The following DPP6 variants were observed in gnomAD, a reference collection of about 807,000 sequenced individuals.
The protein encoded by DPP6 is A-type potassium channel modulatory protein DPP6.
Under a neutral mutation model 122.6 loss-of-function variants are expected in DPP6, and 69 were observed. That is an observed-to-expected ratio of 0.56 (90% confidence interval 0.46 to 0.69). The LOEUF (loss-of-function observed/expected upper bound fraction) is 0.69. Among genes scored for constraint, DPP6 ranks in the 30% least tolerant of loss-of-function variants. The pLI is 0.00. For synonymous variants in DPP6, 418 were observed against 433.1 expected (o/e 0.97, Z 0.43); for missense variants, 928 against 1,116.9 (o/e 0.83, Z 2.41).
intron 1 of DPP6, among the ~76,000 whole-genome samples, chr7:154,288,011 G>T (rs888141769): frequency 5.3e-5 from 8 of 152,212 alleles, no homozygotes; most frequent in African/African-American, 1.9e-4. Flanking sequence ...CCACCCAGAG[G>T]AATGAGACAT....
chr7:154,021,250 G>A (rs948896425), intron 1 of DPP6, among the ~76,000 whole-genome samples: 4 of 152,146 alleles, frequency 2.6e-5, no homozygotes, highest in African/African-American at 4.8e-5. Flanking sequence ...ACAGCCGTGC[G>A]AGACTGATTG....
chr7:154,703,905 C>T (rs1484401835), intron 7 of DPP6, among the ~76,000 whole-genome samples: 3 of 151,768 alleles, frequency 2.0e-5, no homozygotes, highest in African/African-American at 4.8e-5. Context: ...CCACTGCGCT[C>T]CAGCCTGGGT....
chr7:153,870,820 G>A, the DPP6 span, among the ~76,000 whole-genome samples: 1 of 152,202 alleles, frequency 6.6e-6, no homozygotes, highest in Non-Finnish European at 1.5e-5. Context: ...ACGTACAGAT[G>A]GGTTTTTGGT....
intron 1 of DPP6, among the ~76,000 whole-genome samples, chr7:154,291,102 C>T (rs1805179910): frequency 6.6e-6 from 1 of 152,168 alleles, no homozygotes; most frequent in African/African-American, 2.4e-5. Context: ...CCTCCAAAAA[C>T]AATCCCATAA....
In DPP6 at chr7:154,282,860, A is replaced by C. The variant is rs1804614313; in HGVS notation, c.244-163354A>C. On this transcript the variant is annotated intron_variant, in intron 1 of 25. Coordinates refer to ENST00000377770, the MANE Select transcript of DPP6 (RefSeq NM_130797.4). The surrounding 1 kb of genome is among the most constrained non-coding windows in gnomAD (Gnocchi z 4.8). ...ACAAGAGGTTGAAGGAGAGATTGCC[A>C]CTCTTTGGAGCCACATCTGAATGCC... 6.6e-6 allele frequency among the ~76,000 whole-genome samples: 1 copy of C among 152,064 alleles called. No homozygotes were observed. Among genetic ancestry groups the C allele is most frequent in the African/African-American group, 2.4e-5 (1 of 41,418 alleles).
chr7:154,719,970 T>G (rs1371467663), intron 7 of DPP6, among the ~76,000 whole-genome samples: 1 of 152,164 alleles, frequency 6.6e-6, no homozygotes, highest in Non-Finnish European at 1.5e-5. Context: ...CCAACCTCCC[T>G]TATCCTCTCC....
intron 13 of DPP6, among the ~76,000 whole-genome samples, chr7:154,802,494 G>T: frequency 6.6e-6 from 1 of 152,126 alleles, no homozygotes; most frequent in Non-Finnish European, 1.5e-5. Context: ...TGTTGCCTTT[G>T]CTTTTTCCTG....
intron 8 of DPP6, among the ~76,000 whole-genome samples, chr7:154,734,722 A>G (rs573589610): frequency 5.0e-4 from 76 of 152,348 alleles, no homozygotes; most frequent in African/African-American, 1.8e-3. Context: ...AGCAGGGCAG[A>G]GTCTTTGTAG....
chr7:153,962,824 A>G (rs1174210714), intron 1 of DPP6, among the ~76,000 whole-genome samples: 2 of 152,324 alleles, frequency 1.3e-5, no homozygotes, highest in East Asian at 3.9e-4. Context: ...TAGCAGTATA[A>G]GACTGTAGCA....
intron 1 of DPP6, among the ~76,000 whole-genome samples, chr7:154,408,148 T>C (rs2151200140): frequency 6.6e-6 from 1 of 152,320 alleles, no homozygotes; most frequent in South Asian, 2.1e-4. Flanking sequence ...GCAGTTGTAG[T>C]AATAGTATTT....
the DPP6 span, among the ~76,000 whole-genome samples, chr7:153,779,392 TAA>T: frequency 6.6e-6 from 1 of 151,576 alleles, no homozygotes; most frequent in Non-Finnish European, 1.5e-5. Context: ...CAAGGAGAAA[TAA>T]GAGATTTGCA....
At chr7:154,782,181 G>A (rs1797068974) in intron 10 of DPP6, among the ~76,000 whole-genome samples, 1 of 152,160 alleles carries the variant, frequency 6.6e-6, no homozygotes, top group Admixed American at 6.5e-5. Context: ...CTGACTAGAT[G>A]CGCTTGGATG....
At position 153,974,769 on chromosome 7, in the gene DPP6, CAG is replaced by C. The variant is rs1242885424; in HGVS notation, c.51+87041_51+87042del. Among the ~76,000 whole-genome samples the C allele has an allele frequency of 1.5e-4, 23 of 152,316 alleles. No homozygotes were observed. The South Asian group carries it at 2.9e-3, about 19-fold the overall frequency. ...CACTTGAAGTCAAGCGCTGTGTCAT[CAG>C]AGAGACTCTGGTGCAAGGCAGTCAG... On this transcript the variant is annotated intron_variant, in intron 1 of 25. Coordinates refer to the DPP6 transcript ENST00000404039.
intron 8 of DPP6, among the ~76,000 whole-genome samples, chr7:154,745,258 A>C (rs575483833): frequency 6.6e-6 from 1 of 152,330 alleles, no homozygotes; most frequent in Admixed American, 6.5e-5. Context: ...TGGGCTCAAC[A>C]TCACACCTGG....
chr7:154,366,720 G>C (rs751454401), intron 1 of DPP6, among the ~76,000 whole-genome samples: 30 of 152,052 alleles, frequency 2.0e-4, no homozygotes, highest in Non-Finnish European at 3.8e-4. Context: ...GGAAGAATTG[G>C]GTGAGGTAGA....
At chr7:154,157,483 A>C (rs1796745233) in intron 1 of DPP6, among the ~76,000 whole-genome samples, 1 of 152,186 alleles carries the variant, frequency 6.6e-6, no homozygotes, top group African/African-American at 2.4e-5. Flanking sequence ...CGTGGGTAAC[A>C]CTGACTTTTA....
chr7:154,283,390 T>C (rs981640160), intron 1 of DPP6, among the ~76,000 whole-genome samples: 5 of 152,176 alleles, frequency 3.3e-5, no homozygotes, highest in African/African-American at 1.2e-4. Context: ...AAATAGTTAA[T>C]ATGTAAGTAA....
At chr7:154,832,006 A>T (rs1194426004) in intron 16 of DPP6, among the ~76,000 whole-genome samples, 1 of 152,252 alleles carries the variant, frequency 6.6e-6, no homozygotes, top group African/African-American at 2.4e-5. Context: ...TGCAAAGAAG[A>T]ATGCAATTCA....
chr7:154,272,860 T>A (rs753523453), intron 1 of DPP6, among the ~76,000 whole-genome samples: 2 of 152,178 alleles, frequency 1.3e-5, no homozygotes, highest in Non-Finnish European at 2.9e-5. Context: ...TCACAGCCAA[T>A]CCTGAAATCC....
Sources: gnomAD v4.1 joint callset for allele counts (sites outside exome capture counted in the v4.1 genomes callset) on GRCh38, gnomAD v4.1.1 for gene constraint, Gnocchi (gnomAD v3.1) non-coding constraint, MANE v1.5 for transcripts, NCBI Gene and HGNC (gene_info 2026-07-23, HGNC 2026-07-21) for gene names.